The following LCORL variants were observed in gnomAD, a reference collection of about 807,000 sequenced individuals.
The protein encoded by LCORL is ligand-dependent nuclear receptor corepressor-like protein.
In LCORL, 41 loss-of-function variants were observed where a neutral mutation model predicts 141.8. The observed-to-expected ratio is 0.29, with a 90% CI of 0.23 to 0.38. The LOEUF (loss-of-function observed/expected upper bound fraction) is 0.38. LCORL is among the 10% of genes least tolerant of loss of function. The probability of loss-of-function intolerance (pLI) is 1.00; values close to 1 mark genes in which losing one functional copy is unlikely to be tolerated. For missense variants in LCORL, 1,759 were observed against 2,035.0 expected (o/e 0.86, Z 2.61); for synonymous variants, 618 against 694.1 (o/e 0.89, Z 1.72).
At chr4:17,873,419 T>C in exon 7 of LCORL, 1 of 1,233,854 alleles carries the variant, frequency 8.1e-7, no homozygotes, top group African/African-American at 1.5e-5. Context: ...TTGCCATTTG[T>C]CCACTGTTGC....
rs115658168 is a variant in LCORL at position 17,895,658 on chromosome 4, T to C, written c.683-9497A>G. Among the ~76,000 whole-genome samples, 406 of 152,304 alleles carry C rather than the reference T, an allele frequency of 2.7e-3. 3 individuals are homozygous for C. Among genetic ancestry groups the C allele is most frequent in the African/African-American group, 9.1e-3 (380 of 41,556 alleles). On this transcript the variant is annotated intron_variant, in intron 5 of 7. Transcript: ENST00000635767. ...CAACCATCACAATTTTAGAATATTT[T>C]CTCCACCCTAGAAAGAAATCCTGCA...
exon 7 of LCORL, chr4:17,876,404 T>A (rs1019653698): frequency 1.6e-6 from 2 of 1,230,792 alleles, no homozygotes; most frequent in Non-Finnish European, 2.0e-6. Context: ...ATTTCTTGGA[T>A]GCTTTATATC....
chr4:17,878,962 T>A (rs1727217876), intron 6 of LCORL, among the ~76,000 whole-genome samples: 1 of 151,266 alleles, frequency 6.6e-6, no homozygotes, highest in Admixed American at 6.6e-5. Context: ...CATTTTTTTT[T>A]AATCCAATAC....
chr4:17,968,616 T>C (rs866973543), intron 2 of LCORL, among the ~76,000 whole-genome samples: 1 of 152,186 alleles, frequency 6.6e-6, no homozygotes, highest in Non-Finnish European at 1.5e-5. Context: ...ACCTTTTCCA[T>C]AAACAGCCAA....
exon 7 of LCORL, chr4:17,873,987 C>A: frequency 1.6e-6 from 2 of 1,234,178 alleles, no homozygotes; most frequent in Middle Eastern, 2.1e-4. Context: ...CTGCAAGTCA[C>A]CCCTGATCTC....
At chr4:17,934,612 G>A (rs980851672) in intron 4 of LCORL, among the ~76,000 whole-genome samples, 1 of 152,108 alleles carries the variant, frequency 6.6e-6, no homozygotes, top group Admixed American at 6.5e-5. Flanking sequence ...TGAGAAAGGT[G>A]TGTTGAAGAC....
intron 5 of LCORL, among the ~76,000 whole-genome samples, chr4:17,908,529 GC>G (rs1732015613): frequency 6.6e-6 from 1 of 152,048 alleles, no homozygotes; most frequent in Non-Finnish European, 1.5e-5. Context: ...TCTTCTTCTT[GC>G]CTTTCCTCTG....
At chr4:17,968,405 A>ATTCT (rs1715330805) in intron 2 of LCORL, among the ~76,000 whole-genome samples, 1 of 152,218 alleles carries the variant, frequency 6.6e-6, no homozygotes, top group Non-Finnish European at 1.5e-5. Flanking sequence ...TCCTAATAAG[A>ATTCT]AGAGAACTTA....
At chr4:17,901,266 G>A (rs1479448371) in intron 5 of LCORL, among the ~76,000 whole-genome samples, 1 of 151,796 alleles carries the variant, frequency 6.6e-6, no homozygotes, top group Non-Finnish European at 1.5e-5. Context: ...AAAGTAGAGT[G>A]TGTAAAGTTA....
intron 4 of LCORL, among the ~76,000 whole-genome samples, chr4:17,943,749 A>G (rs1738361378): frequency 6.6e-6 from 1 of 152,220 alleles, no homozygotes; most frequent in Admixed American, 6.5e-5. Context: ...GGTCACAGGA[A>G]TATAAAGAAT....
At chr4:17,874,162 C>T (rs1300802920) in exon 7 of LCORL, 1 of 1,233,952 alleles carries the variant, frequency 8.1e-7, no homozygotes, top group South Asian at 4.1e-5. Context: ...AGCTTTCCCT[C>T]TCTTTTCCAC....
Position 17,884,750 on chromosome 4 carries a change from C to CT in LCORL, c.776+1317dup. On this transcript the variant is annotated intron_variant, in intron 6 of 7. Transcript: ENST00000635767. The surrounding 1 kb of genome is among the most constrained non-coding windows in gnomAD (Gnocchi z 4.4). ...ATAGTCCTCTCTGTTTCTGTGTAGTCTCCTGGATGGATGGAATGAAACGAT... is the reference window on the plus strand; with the variant it reads ...ATAGTCCTCTCTGTTTCTGTGTAGTCTTCCTGGATGGATGGAATGAAACGAT... 1 of 1,440,272 alleles carries CT rather than the reference C, an allele frequency of 6.9e-7. No individual in the cohort carries two copies. Among genetic ancestry groups the CT allele is most frequent in the Non-Finnish European group, 9.2e-7 (1 of 1,090,138 alleles). The allele number at this position is 1,440,272 out of a possible 1,614,324, so 89.2% of individuals were successfully genotyped here. A position where few individuals can be genotyped will look rare whatever the true frequency, so the allele number is the denominator to read the frequency against.
rs1430535366 is a variant in LCORL at position 18,021,644 on chromosome 4, G to A, written c.108C>T (p.Phe36=). The A allele has an allele frequency of 2.6e-6, 4 of 1,545,880 alleles. No individual in the cohort carries two copies. The East Asian group carries it at 9.9e-5, about 38-fold the overall frequency. Residue 36 remains phenylalanine, a synonymous_variant, in exon 1 of 8, where the codon TTC becomes TTT. Transcript: ENST00000635767. The surrounding 1 kb of genome is among the most constrained non-coding windows in gnomAD (Gnocchi z 5.5). ...GGCGCCAAGAGTCGAGTTCCCGCCG[G>A]AATCCTCTTCTCTCCGCCGCGCACC... is the stretch of plus-strand genomic sequence containing the variant.
intron 1 of LCORL, among the ~76,000 whole-genome samples, chr4:18,000,377 TTG>T (rs1577695262): frequency 6.6e-6 from 1 of 152,054 alleles, no homozygotes; most frequent in East Asian, 1.9e-4. Flanking sequence ...AATCTCAAAC[TTG>T]GAGAGGCTAA....
intron 1 of LCORL, among the ~76,000 whole-genome samples, chr4:17,995,641 T>C (rs1339605177): frequency 2.0e-5 from 3 of 152,194 alleles, no homozygotes; most frequent in Non-Finnish European, 4.4e-5. Flanking sequence ...ATGTACAAGA[T>C]ATATGGTTCC....
chr4:17,945,565 G>A (rs1440841837), intron 4 of LCORL, among the ~76,000 whole-genome samples: 1 of 151,650 alleles, frequency 6.6e-6, no homozygotes, highest in African/African-American at 2.4e-5. Flanking sequence ...TCAGTCCTTG[G>A]TTAATTTCTA....
At chr4:17,848,358 T>C (rs1454066746) in intron 7 of LCORL, among the ~76,000 whole-genome samples, 2 of 152,176 alleles carry the variant, frequency 1.3e-5, no homozygotes, top group East Asian at 3.9e-4. Flanking sequence ...TTTCTAGATG[T>C]TTGCTTTTTG....
chr4:17,874,084 A>C, exon 7 of LCORL: 1 of 1,231,850 alleles, frequency 8.1e-7, no homozygotes, highest in Non-Finnish European at 1.0e-6. Flanking sequence ...TTATTTAAAA[A>C]TTGGTTCTGG....
At chr4:17,917,138 C>T (rs1015360014) in intron 4 of LCORL, among the ~76,000 whole-genome samples, 6 of 152,026 alleles carry the variant, frequency 3.9e-5, no homozygotes, top group Non-Finnish European at 8.8e-5. Flanking sequence ...CTGCGCCCAG[C>T]TAACTTTTGT....
Sources: allele counts gnomAD v4.1 joint callset (sites outside exome capture counted in the v4.1 genomes callset), GRCh38; gene constraint gnomAD v4.1.1; non-coding constraint Gnocchi (gnomAD v3.1); transcripts MANE v1.5; gene names NCBI Gene and HGNC (gene_info 2026-07-23, HGNC 2026-07-21).